The following PMFBP1 variants were observed in gnomAD, a reference collection of about 807,000 sequenced individuals.
PMFBP1 encodes polyamine-modulated factor 1-binding protein 1.
Under a neutral mutation model 137.8 loss-of-function variants are expected in PMFBP1, and 131 were observed. The observed-to-expected ratio is 0.95, with a 90% CI of 0.82 to 1.10. The LOEUF (loss-of-function observed/expected upper bound fraction) is 1.10, where lower values mean the gene tolerates loss of function less well. Ranked by LOEUF, PMFBP1 falls within the 50% of genes least tolerant of loss-of-function variation. The probability of loss-of-function intolerance (pLI) is 0.00; values close to 1 mark genes in which losing one functional copy is unlikely to be tolerated. For synonymous variants in PMFBP1, 490 were observed against 450.4 expected (o/e 1.09, Z -1.11); for missense variants, 1,199 against 1,175.4 (o/e 1.02, Z -0.29).
chr16:72,214,861 G>C, the PMFBP1 span, among the ~76,000 whole-genome samples: 1 of 152,014 alleles, frequency 6.6e-6, no homozygotes. Context: ...TATCTAAAAG[G>C]TTCAAAAAGA....
At chr16:72,199,461 C>T in the PMFBP1 span, among the ~76,000 whole-genome samples, 1 of 152,068 alleles carries the variant, frequency 6.6e-6, no homozygotes, top group Middle Eastern at 3.2e-3. Context: ...CAAGACCAGC[C>T]TGGCTAACAT....
At chr16:72,231,374 G>A in the PMFBP1 span, among the ~76,000 whole-genome samples, 3 of 152,182 alleles carry the variant, frequency 2.0e-5, no homozygotes, top group South Asian at 4.1e-4. Context: ...CAAATATGAC[G>A]GGCTTTAGAT....
At chr16:72,119,618 G>T in intron 20 of PMFBP1, 1 of 1,443,834 alleles carries the variant, frequency 6.9e-7, no homozygotes, top group Middle Eastern at 2.5e-4. Context: ...CAGGGGAGGG[G>T]GCAGGTCTGA....
At chr16:72,232,464 T>A in the PMFBP1 span, among the ~76,000 whole-genome samples, 1 of 152,130 alleles carries the variant, frequency 6.6e-6, no homozygotes, top group African/African-American at 2.4e-5. Context: ...GAAATGTTGG[T>A]AAAGCAGGGA....
At chr16:72,129,793 T>C (rs970083249) in intron 12 of PMFBP1, among the ~76,000 whole-genome samples, 1 of 152,208 alleles carries the variant, frequency 6.6e-6, no homozygotes, top group Non-Finnish European at 1.5e-5. Flanking sequence ...TTCTGGTCAA[T>C]TAATTTGCAT....
At chr16:72,244,377 T>C in the PMFBP1 span, among the ~76,000 whole-genome samples, 1 of 152,090 alleles carries the variant, frequency 6.6e-6, no homozygotes, top group East Asian at 1.9e-4. Flanking sequence ...TGTAAGTGGG[T>C]TGTAAATGTG....
In PMFBP1 at chr16:72,125,377, C is replaced by T; in HGVS notation, c.2282G>A (p.Ser761Asn). The T allele has an allele frequency of 6.2e-7, 1 of 1,612,088 alleles. No individual in the cohort carries two copies. Reference protein sequence around the residue: ...KLNHVTSETKSLQQSLTQTQE... With the variant: ...KLNHVTSETKNLQQSLTQTQE... Reference sequence around the variant, plus strand: ...GGTCTGTGTCAAGCTTTGCTGCAGGCTCTTTGTCTCTGAGGTCACGTGATT... The same window carrying T: ...GGTCTGTGTCAAGCTTTGCTGCAGGTTCTTTGTCTCTGAGGTCACGTGATT... The change falls in exon 16 of 21, where the codon AGC (serine) becomes AAC (asparagine). Residue 761 changes from serine to asparagine, a missense_variant. Ser to Asn is a conservative substitution (Grantham distance 46). Transcript: ENST00000237353.
intron 3 of PMFBP1, among the ~76,000 whole-genome samples, chr16:72,156,375 T>C (rs2042980632): frequency 6.6e-6 from 1 of 151,994 alleles, no homozygotes; most frequent in African/African-American, 2.4e-5. Flanking sequence ...TCCCAGGACT[T>C]TGGGAGGCCG....
At chr16:72,201,861 T>G in the PMFBP1 span, among the ~76,000 whole-genome samples, 12,518 of 152,208 alleles carry the variant, frequency 0.082, 1,696 homozygotes, top group African/African-American at 0.29. Flanking sequence ...GACAACAAAT[T>G]CCACGAGGCC....
chr16:72,128,565 C>T (rs777070947), intron 14 of PMFBP1, 92 bp downstream of exon 14: 14 of 1,609,102 alleles, frequency 8.7e-6, no homozygotes, highest in East Asian at 2.2e-5. Flanking sequence ...CAGTTAGCTG[C>T]ATTTCTGTGT....
the PMFBP1 span, among the ~76,000 whole-genome samples, chr16:72,239,383 A>G: frequency 1.8e-4 from 27 of 152,332 alleles, no homozygotes; most frequent in Non-Finnish European, 3.7e-4. Flanking sequence ...TACATGATAC[A>G]TAATCTTTTG....
the PMFBP1 span, among the ~76,000 whole-genome samples, chr16:72,216,646 G>T: frequency 4.6e-5 from 7 of 152,192 alleles, no homozygotes; most frequent in African/African-American, 1.7e-4. Flanking sequence ...TAGCAGGTTT[G>T]TAAACAGAAA....
chr16:72,122,867 T>G, intron 19 of PMFBP1, 47 bp downstream of exon 19: 4 of 1,565,072 alleles, frequency 2.6e-6, no homozygotes, highest in South Asian at 2.2e-5. Flanking sequence ...TGCTGACCCT[T>G]CTTGTCAGCT....
At chr16:72,178,358 A>C (rs1160300395), upstream of PMFBP1, among the ~76,000 whole-genome samples, 2 of 152,200 alleles carry the variant, frequency 1.3e-5, no homozygotes, top group African/African-American at 4.8e-5. Flanking sequence ...ATAATTAATA[A>C]ATATATTAAG....
chr16:72,124,830 C>G lies in PMFBP1; in HGVS notation c.2526G>C (p.Gln842His). ...DLKMLAAKEEQLREFQEEMAA... is the reference protein window; with the variant it reads ...DLKMLAAKEEHLREFQEEMAA... ...CCATCTCCTCCTGGAACTCCCTGAG[C>G]TGCTCCTCTTTGGCTGCCAGCATCT... Residue 842 changes from glutamine (Q) to histidine (H), a missense_variant, in exon 17 of 21, where the codon CAG (glutamine) becomes CAC (histidine). Transcript: ENST00000237353. 1 of 1,614,238 alleles carries G rather than the reference C, an allele frequency of 6.2e-7. No individual in the cohort carries two copies.
chr16:72,219,810 T>G, the PMFBP1 span, among the ~76,000 whole-genome samples: 5 of 152,184 alleles, frequency 3.3e-5, no homozygotes, highest in Non-Finnish European at 4.4e-5. Context: ...GTCCTCAATT[T>G]TCTATTTTGT....
the PMFBP1 span, among the ~76,000 whole-genome samples, chr16:72,209,990 C>A: frequency 1.3e-5 from 2 of 152,222 alleles, no homozygotes; most frequent in Non-Finnish European, 2.9e-5. Flanking sequence ...GTTCCTTTCA[C>A]CCTATGGGTA....
At chr16:72,210,560 A>G in the PMFBP1 span, among the ~76,000 whole-genome samples, 1 of 151,798 alleles carries the variant, frequency 6.6e-6, no homozygotes, top group Non-Finnish European at 1.5e-5. Context: ...GATGGAGTGC[A>G]GGTGAGCAAG....
the PMFBP1 span, among the ~76,000 whole-genome samples, chr16:72,202,351 T>C: frequency 6.6e-6 from 1 of 152,176 alleles, no homozygotes; most frequent in South Asian, 2.1e-4. Context: ...TAAAATTTTA[T>C]TTTATTTTTA....
Sources: allele counts gnomAD v4.1 joint callset (sites outside exome capture counted in the v4.1 genomes callset), GRCh38; gene constraint gnomAD v4.1.1; transcripts MANE v1.5; gene names NCBI Gene and HGNC (gene_info 2026-07-23, HGNC 2026-07-21).